VPS9D1: variants seen among roughly 807,000 people sequenced by gnomAD.
The protein encoded by VPS9D1 is VPS9 domain containing 1.
In VPS9D1, 78 loss-of-function variants were observed where a neutral mutation model predicts 75.8. The ratio of observed to expected loss-of-function variants is 1.03; its 90% CI spans 0.86 to 1.24. VPS9D1 has a LOEUF of 1.24. Among genes scored for constraint, VPS9D1 ranks in the 50% most tolerant of loss-of-function variants. The probability of loss-of-function intolerance (pLI) is 0.00; values close to 1 mark genes in which losing one functional copy is unlikely to be tolerated. For synonymous variants in VPS9D1, 481 were observed against 385.6 expected, an observed-to-expected ratio of 1.25 and a Z score of -2.90; for missense variants, 1,057 against 847.7, an observed-to-expected ratio of 1.25 and a Z score of -3.07.
At chr16:89,720,435 G>T (rs971366216) in intron 1 of VPS9D1, 1 of 1,044,690 alleles carries the variant, frequency 9.6e-7, no homozygotes, top group Admixed American at 5.6e-5. Flanking sequence ...ATGCACGAAC[G>T]CACGGACCTG....
Position 89,710,581 on chromosome 16 carries a change from C to G in VPS9D1, c.1258+5G>C. ...GCGGCTCTCCCAGGGAGGGCCTGGC[C>G]TCACCTACGGCATTGTGGATCTCCT... is the stretch of plus-strand genomic sequence containing the variant. On this transcript the variant is annotated splice_donor_5th_base_variant and intron_variant, in intron 10 of 14. Transcript: ENST00000389386. 6.3e-7 allele frequency: 1 copy of G among 1,587,882 alleles called. No homozygotes were observed. The highest frequency in any genetic ancestry group is 8.6e-7 in the Non-Finnish European group (1 of 1,160,868).
At chr16:89,708,801 C>A in intron 13 of VPS9D1, 56 bp downstream of exon 13, 1 of 1,483,158 alleles carries the variant, frequency 6.7e-7, no homozygotes, top group South Asian at 1.3e-5. Flanking sequence ...CTCCCGTGAC[C>A]ATTGCCTTTC....
At chr16:89,710,272 G>A (rs753578473) in intron 10 of VPS9D1, among the ~76,000 whole-genome samples, 11 of 152,130 alleles carry the variant, frequency 7.2e-5, no homozygotes, top group Non-Finnish European at 1.6e-4. Context: ...CTGGACTGTT[G>A]GGCCTCCCTC....
rs775114756 is a variant in VPS9D1, at chr16:89,707,885, C to T, written c.1872G>A (p.Leu624=). 1 of 1,613,164 alleles carries T rather than the reference C, an allele frequency of 6.2e-7. No individual in the cohort carries two copies. Among genetic ancestry groups the T allele is most frequent in the African/African-American group, 1.3e-5 (1 of 75,044 alleles). The change falls in exon 15 of 15, where the codon CTG becomes CTA. Residue 624 remains leucine, a synonymous_variant. Transcript: ENST00000389386. ...LQSALSYVEL[L]PRGGLAK is the part of the protein sequence containing the mutation. The stretch of plus-strand genomic sequence containing the variant: ...ACTACTTGGCCAGGCCTCCCCGGGG[C>T]AGCAGCTCCACGTAGCTCAGGGCAC...
intron 1 of VPS9D1, 194 bp from the exon 2 acceptor site, chr16:89,719,296 T>C (rs1288882907): frequency 1.5e-6 from 1 of 651,360 alleles, no homozygotes; most frequent in African/African-American, 1.8e-5. Flanking sequence ...ACAGGCAGCA[T>C]CGCTGCTCTC....
chr16:89,711,462 G>A, intron 8 of VPS9D1, 50 bp from the exon 9 acceptor site: 1 of 1,522,276 alleles, frequency 6.6e-7, no homozygotes, highest in African/African-American at 1.4e-5. Context: ...CGCCACGACC[G>A]GACGCGCCTC....
At chr16:89,718,180 C>G (rs1010575301) in intron 2 of VPS9D1, 2 of 407,340 alleles carry the variant, frequency 4.9e-6, no homozygotes, top group Non-Finnish European at 1.0e-5. Flanking sequence ...CCTCTCCTTG[C>G]CAGTTTGCTC....
chr16:89,717,513 G>A (rs761599393), intron 2 of VPS9D1: 1 of 454,622 alleles, frequency 2.2e-6, no homozygotes, highest in South Asian at 1.6e-5. Context: ...CGTGGGAGCT[G>A]CCTCTCTGTG....
chr16:89,717,652 C>T (rs746923416), intron 2 of VPS9D1: 30 of 456,448 alleles, frequency 6.6e-5, no homozygotes, highest in Non-Finnish European at 1.2e-4. Context: ...GGAAACTGCC[C>T]TTACCCGTCC....
intron 12 of VPS9D1, 26 bp from the exon 13 acceptor site, chr16:89,708,982 G>T: frequency 6.4e-7 from 1 of 1,570,112 alleles, no homozygotes; most frequent in Non-Finnish European, 8.6e-7. Flanking sequence ...GGTTTCAGGG[G>T]CAGTTAACCC....
chr16:89,714,506 AAGG>A (rs1318501591), intron 4 of VPS9D1, among the ~76,000 whole-genome samples: 3 of 152,214 alleles, frequency 2.0e-5, no homozygotes, highest in African/African-American at 7.2e-5. Flanking sequence ...AATGGAGGAC[AAGG>A]AGGAAAGTCA....
chr16:89,716,973 C>T (rs77164007), intron 2 of VPS9D1, 151 bp from the exon 3 acceptor site: 16,717 of 617,148 alleles, frequency 0.027, 771 homozygotes, highest in East Asian at 0.14. Flanking sequence ...CCCCCATCCC[C>T]TCACTGACCC....
At chr16:89,715,780 A>G (rs2061050179) in intron 4 of VPS9D1, among the ~76,000 whole-genome samples, 1 of 151,348 alleles carries the variant, frequency 6.6e-6, no homozygotes, top group Non-Finnish European at 1.5e-5. Flanking sequence ...GGATCAAGCG[A>G]TTCTCCTGGA....
At chr16:89,708,070 G>C in intron 14 of VPS9D1, 116 bp from the exon 15 acceptor site, 2 of 1,015,450 alleles carry the variant, frequency 2.0e-6, no homozygotes, top group Non-Finnish European at 3.0e-6. Context: ...AGGGTGGGCA[G>C]GTGGGGCTGT....
chr16:89,718,957 G>A, intron 2 of VPS9D1, 70 bp downstream of exon 2: 2 of 1,360,370 alleles, frequency 1.5e-6, no homozygotes, highest in African/African-American at 1.4e-5. Context: ...TCAGGTGATA[G>A]CCCGCCTCTG....
At chr16:89,719,788 G>A (rs566712333) in intron 1 of VPS9D1, among the ~76,000 whole-genome samples, 8 of 152,136 alleles carry the variant, frequency 5.3e-5, no homozygotes, top group Non-Finnish European at 1.0e-4. Context: ...GCAGGATCTC[G>A]AGTCACTGCA....
intron 2 of VPS9D1, chr16:89,718,222 G>A (rs2061136597): frequency 5.2e-6 from 2 of 384,394 alleles, no homozygotes; most frequent in South Asian, 3.8e-5. Flanking sequence ...AGTCTGCTCT[G>A]TTCCACCTTC....
Position 89,709,096 on chromosome 16 carries a change from C to T in VPS9D1, c.1597+131G>A, listed in dbSNP as rs2060857353. Reference sequence around the variant, plus strand: ...TGACCCTGGCGATGTTGCTCAGACACCACTTTTGTTCTGGTCCCCCAACCT... The same window carrying T: ...TGACCCTGGCGATGTTGCTCAGACATCACTTTTGTTCTGGTCCCCCAACCT... On this transcript the variant is annotated intron_variant, in intron 12 of 14. Coordinates refer to ENST00000389386, the MANE Select transcript of VPS9D1 (RefSeq NM_004913.3). 3.8e-6 allele frequency: 5 copies of T among 1,327,058 alleles called. No homozygotes were observed. In the East Asian group the frequency reaches 9.7e-5, roughly 26 times the overall value. 82.2% of individuals were successfully genotyped at this position (1,327,058 alleles called of 1,614,324 possible). A position where few individuals can be genotyped will look rare whatever the true frequency, so the allele number is the denominator to read the frequency against.
rs375382816 is a variant in VPS9D1, at chr16:89,709,366, G to A, written c.1458C>T (p.Thr486=). The A allele has an allele frequency of 5.4e-5, 85 of 1,572,866 alleles. 1 individual carries two copies. In the Middle Eastern group the frequency reaches 5.9e-4, roughly 11 times the overall value. ...SMELYRNAPP[T]AIGIPTKLLP... ...GGAGCTTGGTGGGGATGCCAATGGC[G>A]GTGGGGGGTGCATTCCTGTAGAGCT... Residue 486 remains threonine, a synonymous_variant, in exon 12 of 15, where the codon ACC becomes ACT. Transcript: ENST00000389386.
Sources: gnomAD v4.1 joint callset for allele counts (sites outside exome capture counted in the v4.1 genomes callset) on GRCh38, gnomAD v4.1.1 for gene constraint, MANE v1.5 for transcripts, NCBI Gene and HGNC (gene_info 2026-07-23, HGNC 2026-07-21) for gene names.